ANKS1A: variants seen among roughly 807,000 people sequenced by gnomAD.
The protein encoded by ANKS1A is ankyrin repeat and sterile alpha motif domain containing 1A.
ANKS1A carries 55 observed loss-of-function variants against 120.3 expected under a neutral mutation model. The observed-to-expected ratio is 0.46, with a 90% CI of 0.37 to 0.57. The LOEUF is 0.57. ANKS1A is among the 20% of genes least tolerant of loss of function. The probability of loss-of-function intolerance (pLI) is 0.00; values close to 1 mark genes in which losing one functional copy is unlikely to be tolerated. For missense variants in ANKS1A, 1,123 were observed against 1,480.3 expected (o/e 0.76, Z 3.96); for synonymous variants, 590 against 604.7 (o/e 0.98, Z 0.36).
chr6:34,926,457 CT>C (rs963806172), intron 1 of ANKS1A, among the ~76,000 whole-genome samples: 3 of 152,234 alleles, frequency 2.0e-5, no homozygotes, highest in Admixed American at 1.3e-4. Flanking sequence ...AAAATGGAAA[CT>C]TTTGTATTTG....
At chr6:34,905,775 T>C (rs551853845) in intron 1 of ANKS1A, among the ~76,000 whole-genome samples, 1 of 152,330 alleles carries the variant, frequency 6.6e-6, no homozygotes, top group African/African-American at 2.4e-5. Context: ...TTCAGTTTGA[T>C]GTGTAACTAC....
At chr6:35,012,746 A>G (rs1159572834) in intron 10 of ANKS1A, among the ~76,000 whole-genome samples, 1 of 152,210 alleles carries the variant, frequency 6.6e-6, no homozygotes, top group Non-Finnish European at 1.5e-5. Context: ...AGGAAAATGA[A>G]TGAGGATCAC....
In ANKS1A at chr6:34,889,558, C is replaced by G; in HGVS notation, c.156C>G (p.Gly52=). 7.9e-7 allele frequency: 1 copy of G among 1,271,918 alleles called. No individual in the cohort carries two copies. The allele number at this position is 1,271,918 out of a possible 1,614,324, so 78.8% of individuals were successfully genotyped here. The part of the protein sequence containing the change: ...GGGGGSGGGG[G]GLGSSSHPLS... ...GCGGCGGCAGCGGCGGCGGCGGCGG[C>G]GGCCTCGGCTCTTCCAGCCACCCCC... The change falls in exon 1 of 24, where the codon GGC becomes GGG. Residue 52 remains glycine, a synonymous_variant. Transcript: ENST00000360359. This position sits in a 1 kb window ranked among gnomAD's most constrained non-coding sequence, Gnocchi z 5.5.
intron 1 of ANKS1A, among the ~76,000 whole-genome samples, chr6:34,962,971 C>T (rs1770718886): frequency 6.6e-6 from 1 of 151,340 alleles, no homozygotes; most frequent in Non-Finnish European, 1.5e-5. Context: ...AAGCAGTTCT[C>T]CTGCCTCAGC....
chr6:34,902,062 T>C (rs930100927), intron 1 of ANKS1A, among the ~76,000 whole-genome samples: 2 of 152,218 alleles, frequency 1.3e-5, no homozygotes, highest in African/African-American at 4.8e-5. Flanking sequence ...TGTTACTTTT[T>C]AATCTATTGC....
At chr6:35,078,884 A>C (rs2127606089) in intron 14 of ANKS1A, among the ~76,000 whole-genome samples, 1 of 152,352 alleles carries the variant, frequency 6.6e-6, no homozygotes, top group East Asian at 1.9e-4. Context: ...GGCAGGGAGC[A>C]GGCTCCTCTG....
At chr6:35,072,018 C>T (rs570928895) in intron 13 of ANKS1A, among the ~76,000 whole-genome samples, 1 of 152,398 alleles carries the variant, frequency 6.6e-6, no homozygotes, top group South Asian at 2.1e-4. Context: ...CACTCCCAAA[C>T]AGTCCCCTTC....
intron 13 of ANKS1A, among the ~76,000 whole-genome samples, chr6:35,065,210 C>T (rs1009607398): frequency 4.9e-5 from 7 of 142,516 alleles, no homozygotes. Context: ...ACCTCTTGCC[C>T]CCCCTCCCTT....
chr6:35,006,443 C>T (rs1773461381), intron 10 of ANKS1A, among the ~76,000 whole-genome samples: 1 of 151,928 alleles, frequency 6.6e-6, no homozygotes, highest in Admixed American at 6.5e-5. Context: ...TGTAATTATT[C>T]CTCATTGTAT....
At chr6:35,025,262 A>G (rs1346182621) in intron 11 of ANKS1A, among the ~76,000 whole-genome samples, 7 of 151,350 alleles carry the variant, frequency 4.6e-5, no homozygotes, top group African/African-American at 1.7e-4. Flanking sequence ...ACACACACAC[A>G]CACACACACG....
At chr6:34,890,530 A>G (rs1056552705) in intron 1 of ANKS1A, among the ~76,000 whole-genome samples, 2 of 152,218 alleles carry the variant, frequency 1.3e-5, no homozygotes, top group Non-Finnish European at 2.9e-5. Flanking sequence ...CATATGCAGG[A>G]TTCATCCAGG....
chr6:35,079,308 C>T (rs1777534742), intron 14 of ANKS1A, among the ~76,000 whole-genome samples: 1 of 152,174 alleles, frequency 6.6e-6, no homozygotes, highest in Non-Finnish European at 1.5e-5. Context: ...TGTCGGTGCT[C>T]CAGCGGCTCC....
chr6:35,074,321 A>G (rs985921126), intron 13 of ANKS1A, among the ~76,000 whole-genome samples: 6 of 152,138 alleles, frequency 3.9e-5, no homozygotes, highest in African/African-American at 1.4e-4. Context: ...GGCCGGGGCC[A>G]GGGGCAGTGG....
chr6:34,898,695 G>A (rs1581662159), intron 1 of ANKS1A, among the ~76,000 whole-genome samples: 1 of 151,866 alleles, frequency 6.6e-6, no homozygotes, highest in Non-Finnish European at 1.5e-5. Context: ...TTGAAATTTT[G>A]GTGTACAATC....
At chr6:35,007,167 G>A (rs1773505987) in intron 10 of ANKS1A, among the ~76,000 whole-genome samples, 1 of 152,118 alleles carries the variant, frequency 6.6e-6, no homozygotes, top group African/African-American at 2.4e-5. Flanking sequence ...GGTTAAGGTG[G>A]GGTTGCTACT....
intron 1 of ANKS1A, among the ~76,000 whole-genome samples, chr6:34,925,690 G>T (rs937448925): frequency 2.6e-5 from 4 of 152,178 alleles, no homozygotes; most frequent in Admixed American, 6.5e-5. Context: ...TGCGGAGAGG[G>T]ATACTCTGTG....
rs71794086 is a variant in ANKS1A at position 34,924,090 on chromosome 6, CGTGTGT to C, written c.197+34524_197+34529del. ...TGACATAGAATAGAGGGGGCTTTTTCGTGTGTGTGTGTGTGTGTGTGTGTGTGTGTG... is the reference window on the plus strand; with the variant it reads ...TGACATAGAATAGAGGGGGCTTTTTCGTGTGTGTGTGTGTGTGTGTGTGTG... On this transcript the variant is annotated intron_variant, in intron 1 of 23. Transcript: ENST00000360359. Among the ~76,000 whole-genome samples the C allele has an allele frequency of 6.7e-3, 964 of 143,186 alleles. 15 individuals carry two copies. Among genetic ancestry groups the C allele is most frequent in the Middle Eastern group, 7.0e-3 (2 of 284 alleles). 93.9% of individuals were successfully genotyped at this position (143,186 alleles called of 152,430 possible).
rs1378844977 is a variant in ANKS1A, at chr6:35,085,568, G to A, written c.3133-198G>A. On this transcript the variant is annotated intron_variant, in intron 21 of 23. Coordinates refer to ENST00000360359, the MANE Select transcript of ANKS1A (RefSeq NM_015245.3). The surrounding 1 kb of genome is among the most constrained non-coding windows in gnomAD (Gnocchi z 4.7). Reference sequence around the variant, plus strand: ...CTGCCCTCCCCGCAGCCCAGCTCCCGGCCACATCCTGTGTAGAGCGGGAAG... The same window carrying A: ...CTGCCCTCCCCGCAGCCCAGCTCCCAGCCACATCCTGTGTAGAGCGGGAAG... Among the ~76,000 whole-genome samples, 5 of 152,016 alleles carry A rather than the reference G, an allele frequency of 3.3e-5. No homozygotes were observed. Among genetic ancestry groups the A allele is most frequent in the East Asian group, 1.9e-4 (1 of 5,168 alleles).
At chr6:35,076,445 TAACTC>T (rs1387931996) in intron 13 of ANKS1A, among the ~76,000 whole-genome samples, 4 of 152,168 alleles carry the variant, frequency 2.6e-5, no homozygotes, top group Admixed American at 6.5e-5. Flanking sequence ...ATAAGCCAGT[TAACTC>T]AAGGAGCTCT....
Sources: allele counts gnomAD v4.1 joint callset (sites outside exome capture counted in the v4.1 genomes callset), GRCh38; gene constraint gnomAD v4.1.1; non-coding constraint Gnocchi (gnomAD v3.1); transcripts MANE v1.5; gene names NCBI Gene and HGNC (gene_info 2026-07-23, HGNC 2026-07-21).